Variants in VPS13D observed in about 807,000 individuals in gnomAD.
The protein encoded by VPS13D is intermembrane lipid transfer protein VPS13D.
VPS13D carries 187 observed loss-of-function variants against 461.9 expected under a neutral mutation model. The ratio of observed to expected loss-of-function variants is 0.40; its 90% CI spans 0.36 to 0.46. The LOEUF is 0.46. Among genes scored for constraint, VPS13D ranks in the 20% least tolerant of loss-of-function variants. The pLI is 0.60. For synonymous variants in VPS13D, 1,951 were observed against 1,986.3 expected, an observed-to-expected ratio of 0.98 and a Z score of 0.47; for missense variants, 4,711 against 5,364.9, an observed-to-expected ratio of 0.88 and a Z score of 3.81.
At position 12,358,613 on chromosome 1, in the gene VPS13D, T is replaced by A. The variant is rs779949169; in HGVS notation, c.10141+12T>A. The A allele has an allele frequency of 6.2e-7, 1 of 1,613,470 alleles. No homozygotes were observed. The highest frequency in any genetic ancestry group is 8.5e-7 in the Non-Finnish European group (1 of 1,179,664). On this transcript the variant is annotated intron_variant, in intron 50 of 69. Coordinates refer to ENST00000620676, the MANE Select transcript of VPS13D (RefSeq NM_015378.4). The stretch of plus-strand genomic sequence containing the variant: ...GATCTATAACATTGGTGGGTTACAT[T>A]TGGGGCAGCGGGACAATCAGAACCA...
At position 12,400,217 on chromosome 1, in the gene VPS13D, A is replaced by G. The variant is rs781746253; in HGVS notation, c.11671A>G (p.Met3891Val). ...GCTCATTGGTACCACGCAGCCCTTCATGCTCTATGTGACTCCCCTGAGCAA... is the reference window on the plus strand; with the variant it reads ...GCTCATTGGTACCACGCAGCCCTTCGTGCTCTATGTGACTCCCCTGAGCAA... ...NQLIGTTQPF[M>V]LYVTPLSNEN... is the part of the protein sequence containing the mutation. The change falls in exon 61 of 70, where the codon ATG becomes GTG. Residue 3891 changes from methionine (M) to valine (V), a missense_variant. Physicochemically the swap from Met to Val is conservative, Grantham distance 21. Transcript: ENST00000620676. 2.5e-6 allele frequency: 4 copies of G among 1,614,096 alleles called. No individual in the cohort carries two copies. Among genetic ancestry groups the G allele is most frequent in the Middle Eastern group, 1.6e-4 (1 of 6,062 alleles).
chr1:12,390,994 C>T (rs1644418371), intron 60 of VPS13D, among the ~76,000 whole-genome samples: 1 of 152,210 alleles, frequency 6.6e-6, no homozygotes, highest in African/African-American at 2.4e-5. Context: ...CAAGTATCTT[C>T]AGTTTTTGAC....
At chr1:12,311,722 G>T in intron 28 of VPS13D, 91 bp from the exon 29 acceptor site, 1 of 1,582,676 alleles carries the variant, frequency 6.3e-7, no homozygotes, top group South Asian at 1.1e-5. Context: ...AAAGAAGGTG[G>T]AGCAACAAGC....
rs142639626 is a variant in VPS13D, at chr1:12,363,383, G to C, written c.10448+136G>C. The C allele has an allele frequency of 4.3e-3, 3,744 of 880,000 alleles. 132 individuals carry two copies. The Admixed American group carries it at 0.072, about 17-fold the overall frequency. The allele number at this position is 880,000 out of a possible 1,614,324, so 54.5% of individuals were successfully genotyped here. A position where few individuals can be genotyped will look rare whatever the true frequency, so the allele number is the denominator to read the frequency against. ...GGTCTTAGAACTTGCAAAGTCCAGG[G>C]AAGTGTGAGGGGATAATTTGATGGA... On this transcript the variant is annotated intron_variant, in intron 52 of 69. Coordinates refer to ENST00000620676, the MANE Select transcript of VPS13D (RefSeq NM_015378.4).
intron 63 of VPS13D, chr1:12,407,385 G>A (rs1429748236): frequency 6.6e-6 from 1 of 152,218 alleles, no homozygotes; most frequent in Non-Finnish European, 1.5e-5. Context: ...GAAGACTTCA[G>A]CAGTTTTCGC....
intron 67 of VPS13D, among the ~76,000 whole-genome samples, chr1:12,469,627 C>T (rs562466656): frequency 1.8e-4 from 27 of 152,328 alleles, no homozygotes; most frequent in African/African-American, 4.8e-4. Context: ...CGGACTAAAC[C>T]GTAGGAGCCG....
rs762886784 is a variant in VPS13D at position 12,276,750 on chromosome 1, T to G, written c.3162T>G (p.Asp1054Glu). Residue 1054 changes from aspartate (D) to glutamate (E), a missense_variant, in exon 19 of 70, where the codon GAT (aspartate) becomes GAG (glutamate). Asp to Glu is a conservative substitution (Grantham distance 45). Transcript: ENST00000620676. The surrounding 1 kb of genome is among the most constrained non-coding windows in gnomAD (Gnocchi z 4.5). ...VSGPNVAHLT[D>E]GATLNDRSAT... is the part of the protein sequence containing the mutation. ...GACCGAATGTGGCCCACTTAACTGA[T>G]GGAGCTACACTGAACGACCGATCAG... is the stretch of plus-strand genomic sequence containing the variant. The G allele has an allele frequency of 1.9e-6, 3 of 1,614,196 alleles. No individual in the cohort carries two copies. The South Asian group carries it at 3.3e-5, about 18-fold the overall frequency.
chr1:12,298,532 C>T (rs1345971136), intron 24 of VPS13D, among the ~76,000 whole-genome samples: 2 of 151,868 alleles, frequency 1.3e-5, no homozygotes, highest in Admixed American at 6.6e-5. Flanking sequence ...CCCAGCTACT[C>T]GGGAGGCTGA....
chr1:12,259,898 A>G (rs972954803), intron 10 of VPS13D, among the ~76,000 whole-genome samples: 3 of 152,190 alleles, frequency 2.0e-5, no homozygotes, highest in Admixed American at 1.3e-4. Flanking sequence ...GGTTTCAGGA[A>G]GAGCGATAAC....
rs1641315726 is a variant in VPS13D, at chr1:12,267,743, T to C, written c.1726-102T>C. On this transcript the variant is annotated intron_variant, in intron 14 of 69. Coordinates refer to ENST00000620676, the MANE Select transcript of VPS13D (RefSeq NM_015378.4). Reference sequence around the variant, plus strand: ...TGAGGTAAAGTGAGTTTTGATTTGATGGTGCTAAGGGAGTGTGTTGCTGAA... The same window carrying C: ...TGAGGTAAAGTGAGTTTTGATTTGACGGTGCTAAGGGAGTGTGTTGCTGAA... 5.0e-6 allele frequency: 5 copies of C among 999,860 alleles called. No homozygotes were observed. In the South Asian group the frequency reaches 6.9e-5, roughly 14 times the overall value. 61.9% of individuals were successfully genotyped at this position (999,860 alleles called of 1,614,324 possible). A position where few individuals can be genotyped will look rare whatever the true frequency, so the allele number is the denominator to read the frequency against.
chr1:12,367,922 A>T (rs996172696), intron 52 of VPS13D, among the ~76,000 whole-genome samples: 12 of 151,978 alleles, frequency 7.9e-5, no homozygotes, highest in Non-Finnish European at 1.8e-4. Context: ...GCAGATTTTT[A>T]AAAAATTAAT....
intron 12 of VPS13D, 40 bp from the exon 13 acceptor site, chr1:12,261,861 C>T (rs1262592614): frequency 3.9e-6 from 6 of 1,526,054 alleles, no homozygotes; most frequent in Non-Finnish European, 5.3e-6. Flanking sequence ...TTTTATTCTT[C>T]CACGTTTTTT....
chr1:12,244,246 G>T lies in VPS13D; in HGVS notation c.176G>T (p.Gly59Val). The T allele has an allele frequency of 6.2e-7, 1 of 1,608,080 alleles. No homozygotes were observed. Among genetic ancestry groups the T allele is most frequent in the Non-Finnish European group, 8.5e-7 (1 of 1,177,808 alleles). The change falls in exon 4 of 70, where the codon GGC becomes GTC. Residue 59 changes from glycine to valine, a missense_variant and splice_region_variant. Transcript: ENST00000620676. ...AACAAGACTTTCCTTCTCCTTCCAG[G>T]CTTCATTGGGAAAGTAACCCTTCAG... is the stretch of plus-strand genomic sequence containing the variant. ...ELELPFEVKA[G>V]FIGKVTLQIP...
intron 38 of VPS13D, among the ~76,000 whole-genome samples, chr1:12,334,283 C>T (rs1461940915): frequency 6.6e-6 from 1 of 152,140 alleles, no homozygotes; most frequent in Non-Finnish European, 1.5e-5. Context: ...AGTAAGTTGA[C>T]CCTGTGATTT....
At chr1:12,468,286 T>A (rs1645516852) in intron 67 of VPS13D, among the ~76,000 whole-genome samples, 1 of 152,256 alleles carries the variant, frequency 6.6e-6, no homozygotes, top group Non-Finnish European at 1.5e-5. Context: ...GAGCCATTTG[T>A]TATTTGTGGA....
rs1025198913 is a variant in VPS13D at position 12,362,750 on chromosome 1, A to G, written c.10172A>G (p.Tyr3391Cys). Reference sequence around the variant, plus strand: ...GATGTCAAGAAAGGCCGAGGTCGATACATTGATACCTGCATGGTCATCTTT... The same window carrying G: ...GATGTCAAGAAAGGCCGAGGTCGATGCATTGATACCTGCATGGTCATCTTT... ...GIDVKKGRGRYIDTCMVIFAP... is the reference protein window; with the variant it reads ...GIDVKKGRGRCIDTCMVIFAP... Residue 3391 changes from tyrosine to cysteine, a missense_variant, in exon 51 of 70, where the codon TAC (tyrosine) becomes TGC (cysteine). Transcript: ENST00000620676. The G allele has an allele frequency of 4.3e-6, 7 of 1,614,216 alleles. No homozygotes were observed. The highest frequency in any genetic ancestry group is 1.3e-5 in the African/African-American group (1 of 75,060).
At chr1:12,413,616 C>T (rs112286729) in intron 63 of VPS13D, among the ~76,000 whole-genome samples, 18 of 152,170 alleles carry the variant, frequency 1.2e-4, no homozygotes, top group African/African-American at 3.1e-4. Flanking sequence ...AGACTACAGG[C>T]GCACGCCACC....
chr1:12,369,496 A>G lies in VPS13D; in HGVS notation c.10602A>G (p.Val3534=), dbSNP rs1214097326. 2.5e-6 allele frequency: 4 copies of G among 1,614,054 alleles called. No individual in the cohort carries two copies. The South Asian group carries it at 3.3e-5, about 13-fold the overall frequency. Residue 3534 remains valine (V), a synonymous_variant, in exon 54 of 70, where the codon GTA becomes GTG. Transcript: ENST00000620676. ...CGGTTGTCTTTACTCAGCATGGCGT[A>G]GCTGAACCCAGGCTCCGGACTGAAG... ...KVPVVFTQHG[V]AEPRLRTEVK...
intron 2 of VPS13D, among the ~76,000 whole-genome samples, chr1:12,238,201 A>G (rs898829753): frequency 7.3e-6 from 1 of 136,520 alleles, no homozygotes; most frequent in African/African-American, 2.7e-5. Flanking sequence ...CCCAAAATAT[A>G]TATATATAAA....
Sources: allele counts gnomAD v4.1 joint callset (sites outside exome capture counted in the v4.1 genomes callset), GRCh38; gene constraint gnomAD v4.1.1; non-coding constraint Gnocchi (gnomAD v3.1); transcripts MANE v1.5; gene names NCBI Gene and HGNC (gene_info 2026-07-23, HGNC 2026-07-21).